The following CNTN4 variants were observed in gnomAD, a reference collection of about 807,000 sequenced individuals.
The protein encoded by CNTN4 is contactin 4, also known as contactin-4.
In CNTN4, 77 loss-of-function variants were observed where a neutral mutation model predicts 122.5. The observed-to-expected ratio is 0.63, with a 90% CI of 0.52 to 0.76. The LOEUF is 0.76. CNTN4 is among the 30% of genes least tolerant of loss of function. The probability of loss-of-function intolerance (pLI) is 0.00; values close to 1 mark genes in which losing one functional copy is unlikely to be tolerated. For missense variants in CNTN4, 1,256 were observed against 1,259.1 expected, an observed-to-expected ratio of 1.00 and a Z score of 0.04; for synonymous variants, 512 against 447.0, an observed-to-expected ratio of 1.15 and a Z score of -1.83.
chr3:3,044,359 T>C (rs1263814249), intron 23 of CNTN4, among the ~76,000 whole-genome samples: 2 of 152,198 alleles, frequency 1.3e-5, no homozygotes, highest in Non-Finnish European at 2.9e-5. Context: ...TTTATGACTT[T>C]GCAATGTGGA....
At chr3:2,161,216 G>T (rs917383251) in intron 2 of CNTN4, among the ~76,000 whole-genome samples, 4 of 152,082 alleles carry the variant, frequency 2.6e-5, no homozygotes, top group Non-Finnish European at 4.4e-5. Context: ...GCAAGGGGAT[G>T]CTGGAGGATA....
chr3:2,807,684 C>G (rs2092502482), intron 6 of CNTN4, among the ~76,000 whole-genome samples: 1 of 151,956 alleles, frequency 6.6e-6, no homozygotes, highest in Non-Finnish European at 1.5e-5. Context: ...TTCTTAGGAG[C>G]AATGAGTCTA....
chr3:2,836,842 C>G (rs574941527), intron 7 of CNTN4, among the ~76,000 whole-genome samples: 2 of 151,954 alleles, frequency 1.3e-5, no homozygotes, highest in African/African-American at 2.4e-5. Flanking sequence ...GTGCAGCAAA[C>G]CATCATGGCA....
At chr3:2,698,470 C>A (rs924896163) in intron 4 of CNTN4, among the ~76,000 whole-genome samples, 1 of 151,998 alleles carries the variant, frequency 6.6e-6, no homozygotes, top group Non-Finnish European at 1.5e-5. Context: ...TCAGAGTGAC[C>A]ACAGCGAAGG....
Position 2,935,437 on chromosome 3 carries a change from T to C in CNTN4, c.1358+9658T>C, listed in dbSNP as rs538575870. Among the ~76,000 whole-genome samples the C allele has an allele frequency of 3.3e-5, 5 of 152,324 alleles. No homozygotes were observed. The East Asian group carries it at 9.6e-4, about 29-fold the overall frequency. On this transcript the variant is annotated intron_variant, in intron 13 of 24. Transcript: ENST00000418658. Reference sequence around the variant, plus strand: ...GGTTTTCAGGCCTTATTGTCTCTTGTGTGAATTTTGCAATGATTCAACCAA... The same window carrying C: ...GGTTTTCAGGCCTTATTGTCTCTTGCGTGAATTTTGCAATGATTCAACCAA...
chr3:2,510,994 C>A (rs2149071985), intron 3 of CNTN4, among the ~76,000 whole-genome samples: 1 of 152,140 alleles, frequency 6.6e-6, no homozygotes, highest in South Asian at 2.1e-4. Flanking sequence ...ACATGAAACA[C>A]CCCCATAAAC....
chr3:2,179,290 G>A (rs7628183), intron 2 of CNTN4, among the ~76,000 whole-genome samples: 41,652 of 151,718 alleles, frequency 0.27, 5,987 homozygotes, highest in East Asian at 0.46. Context: ...TTTTGGAGGG[G>A]GGAAATAAGA....
chr3:2,664,461 T>G (rs2084052184), intron 4 of CNTN4, among the ~76,000 whole-genome samples: 1 of 146,548 alleles, frequency 6.8e-6, no homozygotes, highest in Admixed American at 7.4e-5. Context: ...TAGCATTGAA[T>G]TTTATGATAA....
intron 3 of CNTN4, among the ~76,000 whole-genome samples, chr3:2,379,874 G>A (rs2150750665): frequency 6.6e-6 from 1 of 152,102 alleles, no homozygotes; most frequent in Admixed American, 6.5e-5. Context: ...GACAAACATG[G>A]AGAAACCCCA....
chr3:2,340,794 G>T (rs953249011), intron 3 of CNTN4, among the ~76,000 whole-genome samples: 7 of 150,300 alleles, frequency 4.7e-5, no homozygotes, highest in Admixed American at 4.0e-4. Flanking sequence ...CTAAGGTTGA[G>T]TAAGGTGTTT....
chr3:3,037,388 C>T (rs566054794), intron 18 of CNTN4, 60 bp downstream of exon 18: 14 of 1,608,402 alleles, frequency 8.7e-6, no homozygotes, highest in Middle Eastern at 1.7e-4. Context: ...TTAGGAAAAG[C>T]GTTTGAATTC....
intron 6 of CNTN4, among the ~76,000 whole-genome samples, chr3:2,765,212 A>C (rs1463085614): frequency 1.3e-5 from 2 of 152,228 alleles, no homozygotes; most frequent in African/African-American, 4.8e-5. Flanking sequence ...TGCTGAGTGT[A>C]GTACAAAGAG....
chr3:2,607,048 ATCT>A (rs993619796), intron 4 of CNTN4, among the ~76,000 whole-genome samples: 108 of 152,256 alleles, frequency 7.1e-4, no homozygotes, highest in African/African-American at 2.4e-3. Context: ...GACACATTTA[ATCT>A]TCTTTCTTGA....
chr3:2,947,150 A>T (rs192102267), intron 13 of CNTN4, among the ~76,000 whole-genome samples: 6 of 152,190 alleles, frequency 3.9e-5, no homozygotes, highest in Non-Finnish European at 7.3e-5. Flanking sequence ...TTGTTTTCGC[A>T]TTGTAGTTTT....
At chr3:2,148,113 G>A (rs2035331545) in intron 2 of CNTN4, among the ~76,000 whole-genome samples, 1 of 152,110 alleles carries the variant, frequency 6.6e-6, no homozygotes, top group Non-Finnish European at 1.5e-5. Context: ...GATTGGTTGT[G>A]GGACTTTATC....
chr3:2,187,655 G>T (rs139640850), intron 2 of CNTN4, among the ~76,000 whole-genome samples: 124 of 152,218 alleles, frequency 8.1e-4, no homozygotes, highest in African/African-American at 2.8e-3. Context: ...ACACAATATC[G>T]ACTACATGCA....
chr3:2,823,511 A>G (rs2092922125), intron 7 of CNTN4, among the ~76,000 whole-genome samples: 1 of 152,176 alleles, frequency 6.6e-6, no homozygotes, highest in African/African-American at 2.4e-5. Context: ...ATGGTTTTGC[A>G]TAGATTTTTA....
intron 3 of CNTN4, among the ~76,000 whole-genome samples, chr3:2,537,571 C>T (rs1029884407): frequency 6.6e-6 from 1 of 152,042 alleles, no homozygotes; most frequent in Admixed American, 6.6e-5. Flanking sequence ...CATTATTTGT[C>T]ATATGTATCT....
intron 4 of CNTN4, among the ~76,000 whole-genome samples, chr3:2,579,168 C>T (rs2079825938): frequency 6.6e-6 from 1 of 152,170 alleles, no homozygotes; most frequent in Non-Finnish European, 1.5e-5. Context: ...GATGTCTTAA[C>T]TATAAGTAAA....
Sources: gnomAD v4.1 joint callset for allele counts (sites outside exome capture counted in the v4.1 genomes callset) on GRCh38, gnomAD v4.1.1 for gene constraint, MANE v1.5 for transcripts, NCBI Gene and HGNC (gene_info 2026-07-23, HGNC 2026-07-21) for gene names.